SHANK2: variants seen among roughly 807,000 people sequenced by gnomAD.
The protein encoded by SHANK2 is SH3 and multiple ankyrin repeat domains 2, also known as SH3 and multiple ankyrin repeat domains protein 2.
Under a neutral mutation model 133.7 loss-of-function variants are expected in SHANK2, and 43 were observed. That is an observed-to-expected ratio of 0.32 (90% confidence interval 0.25 to 0.41). The LOEUF (loss-of-function observed/expected upper bound fraction) is 0.41. Ranked by LOEUF, SHANK2 falls within the 10% of genes least tolerant of loss-of-function variation. The pLI, the probability that SHANK2 is intolerant of heterozygous loss-of-function variation, is 1.00. For synonymous variants in SHANK2, 1,017 were observed against 952.8 expected (o/e 1.07, Z -1.24); for missense variants, 1,994 against 2,235.8 (o/e 0.89, Z 2.18).
At chr11:70,795,018 T>A (rs2135200144) in intron 14 of SHANK2, among the ~76,000 whole-genome samples, 1 of 152,256 alleles carries the variant, frequency 6.6e-6, no homozygotes, top group South Asian at 2.1e-4. Flanking sequence ...TAAGTCACGA[T>A]CTTAGAACAC....
chr11:70,585,845 C>T (rs1554986583), intron 17 of SHANK2, among the ~76,000 whole-genome samples: 2 of 127,856 alleles, frequency 1.6e-5, no homozygotes, highest in East Asian at 2.9e-4. Flanking sequence ...CACCCACCCA[C>T]CCATGCATTT....
At chr11:70,910,415 A>T (rs1290745174) in intron 10 of SHANK2, among the ~76,000 whole-genome samples, 1 of 152,244 alleles carries the variant, frequency 6.6e-6, no homozygotes, top group Non-Finnish European at 1.5e-5. Flanking sequence ...AGGCTACCGC[A>T]CACTCGATTG....
At chr11:70,546,097 AT>A (rs57144719) in intron 17 of SHANK2, among the ~76,000 whole-genome samples, 4,430 of 136,776 alleles carry the variant, frequency 0.032, 67 homozygotes, top group Middle Eastern at 0.086. Context: ...TATTTATTTA[AT>A]TTTTTTTTTT....
chr11:70,629,767 G>C (rs1565194215), intron 17 of SHANK2, among the ~76,000 whole-genome samples: 2 of 152,114 alleles, frequency 1.3e-5, no homozygotes, highest in African/African-American at 4.8e-5. Flanking sequence ...CTAATGCCCT[G>C]ACTCCAATAA....
chr11:70,748,747 C>G (rs1190746477), intron 14 of SHANK2, among the ~76,000 whole-genome samples: 4 of 152,176 alleles, frequency 2.6e-5, no homozygotes, highest in African/African-American at 9.7e-5. Context: ...GTCTGCATCT[C>G]CATGTGAAAT....
chr11:71,185,812 G>A (rs1174534453), intron 2 of SHANK2, among the ~76,000 whole-genome samples: 2 of 149,884 alleles, frequency 1.3e-5, no homozygotes, highest in African/African-American at 2.5e-5. Flanking sequence ...GCAAGGAGGG[G>A]ACAATCAAGG....
intron 1 of SHANK2, among the ~76,000 whole-genome samples, chr11:71,242,306 T>C (rs1954903662): frequency 6.6e-6 from 1 of 152,166 alleles, no homozygotes; most frequent in Non-Finnish European, 1.5e-5. Context: ...AGATACATGG[T>C]GACGATGGCT....
chr11:70,783,988 TG>T (rs1947576564), intron 14 of SHANK2, among the ~76,000 whole-genome samples: 1 of 151,786 alleles, frequency 6.6e-6, no homozygotes, highest in Non-Finnish European at 1.5e-5. Flanking sequence ...TCAGGGGGTG[TG>T]AGACACAGGG....
chr11:70,635,252 C>A (rs1185877692), intron 17 of SHANK2: 1 of 152,224 alleles, frequency 6.6e-6, no homozygotes, highest in Non-Finnish European at 1.5e-5. Flanking sequence ...TATCTGCACA[C>A]CCGCGTTCAC....
chr11:70,809,596 G>C (rs552228313), intron 12 of SHANK2, among the ~76,000 whole-genome samples: 1 of 152,278 alleles, frequency 6.6e-6, no homozygotes, highest in South Asian at 2.1e-4. Flanking sequence ...GGTGAGATCT[G>C]GCCATGGGGA....
At chr11:70,556,397 C>G (rs61885897) in intron 17 of SHANK2, among the ~76,000 whole-genome samples, 1 of 25,756 alleles carries the variant, frequency 3.9e-5, no homozygotes, top group East Asian at 8.0e-4. Context: ...CTTTCTTTCT[C>G]TCTCTCTCTC....
At chr11:70,766,750 CTT>C (rs1213472541) in intron 14 of SHANK2, among the ~76,000 whole-genome samples, 3 of 152,178 alleles carry the variant, frequency 2.0e-5, no homozygotes, top group Non-Finnish European at 2.9e-5. Context: ...CGATTTTCCT[CTT>C]GTTTCATAAC....
intron 11 of SHANK2, among the ~76,000 whole-genome samples, chr11:70,855,284 T>C (rs1749260840): frequency 6.6e-6 from 1 of 152,236 alleles, no homozygotes; most frequent in African/African-American, 2.4e-5. Context: ...ACAGACATTC[T>C]AGCAGGTGAG....
rs200232277 is a variant in SHANK2, at chr11:70,473,145, C to T, written c.5274G>A (p.Ala1758=). ...AGGGGGATGGCGACCTACTGCGTCC[C>T]GCTGGGTTCAAGCCAAATAGATCCC... ...PSGDLFGLNP[A]GRSRSPSPSI... The change falls in exon 26 of 26, where the codon GCG becomes GCA. Residue 1758 remains alanine (A), a synonymous_variant. Transcript: ENST00000601538. This position sits in a 1 kb window ranked among gnomAD's most constrained non-coding sequence, Gnocchi z 5.9. The T allele has an allele frequency of 2.0e-4, 318 of 1,614,200 alleles. No homozygotes were observed. Among genetic ancestry groups the T allele is most frequent in the Non-Finnish European group, 2.4e-4 (279 of 1,180,030 alleles).
chr11:70,595,176 C>T (rs1554989163), intron 17 of SHANK2, among the ~76,000 whole-genome samples: 2 of 152,158 alleles, frequency 1.3e-5, no homozygotes, highest in African/African-American at 4.8e-5. Flanking sequence ...TGGCCCCTCA[C>T]ATCGGCCACC....
intron 14 of SHANK2, among the ~76,000 whole-genome samples, chr11:70,779,914 T>C (rs1555044780): frequency 6.6e-6 from 1 of 152,156 alleles, no homozygotes; most frequent in African/African-American, 2.4e-5. Flanking sequence ...AGTGACTGGT[T>C]CTGGGTGGGC....
chr11:70,876,229 CACACACACATATAG>C (rs1949559751), intron 11 of SHANK2, among the ~76,000 whole-genome samples: 1 of 4,450 alleles, frequency 2.2e-4, no homozygotes, highest in Admixed American at 4.9e-3. Context: ...ACATAATACA[CACACACACATATAG>C]ACACACACAC....
chr11:70,620,490 GT>G (rs1220028602), intron 17 of SHANK2, among the ~76,000 whole-genome samples: 5 of 152,180 alleles, frequency 3.3e-5, no homozygotes, highest in Non-Finnish European at 7.3e-5. Flanking sequence ...GCAGTTGCCT[GT>G]GGGCCTGGAG....
chr11:70,787,203 T>G (rs1469408682), intron 14 of SHANK2, among the ~76,000 whole-genome samples: 52 of 101,994 alleles, frequency 5.1e-4, no homozygotes, highest in African/African-American at 8.9e-4. Flanking sequence ...ATCACCAACA[T>G]CATCACCATG....
Sources: allele counts gnomAD v4.1 joint callset (sites outside exome capture counted in the v4.1 genomes callset), GRCh38; gene constraint gnomAD v4.1.1; non-coding constraint Gnocchi (gnomAD v3.1); transcripts MANE v1.5; gene names NCBI Gene and HGNC (gene_info 2026-07-23, HGNC 2026-07-21).